The following ITPRID1 variants were observed in gnomAD, a reference collection of about 807,000 sequenced individuals.
ITPRID1 encodes protein ITPRID1.
In ITPRID1, 96 loss-of-function variants were observed where a neutral mutation model predicts 95.4. The observed-to-expected ratio is 1.01, with a 90% CI of 0.85 to 1.19. ITPRID1 has a LOEUF of 1.19. Among genes scored for constraint, ITPRID1 ranks in the 50% most tolerant of loss-of-function variants. ITPRID1 has a pLI of 0.00. For synonymous variants in ITPRID1, 510 were observed against 453.6 expected (o/e 1.12, Z -1.58); for missense variants, 1,339 against 1,252.9 (o/e 1.07, Z -1.04).
rs62448766 is a variant in ITPRID1 at position 31,600,621 on chromosome 7, A to T, written c.1228+17430A>T. 8.7e-3 allele frequency among the ~76,000 whole-genome samples: 1,332 copies of T among 152,346 alleles called. 12 individuals carry two copies. Among genetic ancestry groups the T allele is most frequent in the Non-Finnish European group, 0.014 (959 of 68,022 alleles). On this transcript the variant is annotated intron_variant, in intron 10 of 14. Transcript: ENST00000615280. The stretch of plus-strand genomic sequence containing the variant: ...GACTTTATAAGCCCAACTCTTTCCC[A>T]TGATTCTTCCCTTGGGGTGAGCTGC...
chr7:31,558,992 A>G (rs540769628), intron 5 of ITPRID1, among the ~76,000 whole-genome samples: 379 of 152,344 alleles, frequency 2.5e-3, no homozygotes, highest in African/African-American at 8.4e-3. Context: ...GTATAAAGCT[A>G]TGCTGAAATT....
intron 12 of ITPRID1, among the ~76,000 whole-genome samples, chr7:31,645,007 A>C (rs1359210314): frequency 6.6e-6 from 1 of 152,190 alleles, no homozygotes; most frequent in Non-Finnish European, 1.5e-5. Context: ...TCCATTCCAT[A>C]AATATTTGTT....
intron 1 of ITPRID1, among the ~76,000 whole-genome samples, chr7:31,525,801 C>T (rs535731796): frequency 3.1e-4 from 47 of 152,270 alleles, no homozygotes; most frequent in African/African-American, 1.0e-3. Flanking sequence ...ATGCATTTAA[C>T]AGCTAGATTT....
chr7:31,624,242 G>T (rs1418528418), intron 10 of ITPRID1, among the ~76,000 whole-genome samples: 2 of 145,550 alleles, frequency 1.4e-5, no homozygotes, highest in Admixed American at 6.9e-5. Flanking sequence ...AGCTACCAAT[G>T]ACTTTCTTCA....
At chr7:31,624,085 A>T (rs1485638315) in intron 10 of ITPRID1, among the ~76,000 whole-genome samples, 2 of 151,086 alleles carry the variant, frequency 1.3e-5, no homozygotes, top group Non-Finnish European at 2.9e-5. Flanking sequence ...GACCTCTTCA[A>T]GGAGAACTAC....
intron 10 of ITPRID1, among the ~76,000 whole-genome samples, chr7:31,622,302 A>AT (rs201852654): frequency 1.3e-5 from 2 of 150,594 alleles, no homozygotes; most frequent in Admixed American, 6.6e-5. Context: ...CAGAATATAC[A>AT]TTTTTTTTTC....
rs571546079 is a variant in ITPRID1, at chr7:31,589,278, G to T, written c.1228+6087G>T. 1.7e-4 allele frequency among the ~76,000 whole-genome samples: 26 copies of T among 152,152 alleles called. 1 individual carries two copies. The South Asian group carries it at 5.4e-3, about 32-fold the overall frequency. ...TATAGACGTTATCCAACAATCGGAA[G>T]ATCAGGAAAAAGATTTGAAAATTAT... On this transcript the variant is annotated intron_variant, in intron 10 of 14. Transcript: ENST00000615280.
At chr7:31,616,800 G>GGTAGCATAAAAACATTAGA (rs1370824336) in intron 10 of ITPRID1, among the ~76,000 whole-genome samples, 1 of 149,196 alleles carries the variant, frequency 6.7e-6, no homozygotes, top group Non-Finnish European at 1.5e-5. Flanking sequence ...TTCATTTTTT[G>GGTAGCATAAAAACATTAGA]GTAGCATAAA....
At chr7:31,629,608 T>G (rs979717904) in intron 10 of ITPRID1, among the ~76,000 whole-genome samples, 17 of 152,234 alleles carry the variant, frequency 1.1e-4, no homozygotes, top group Non-Finnish European at 2.4e-4. Flanking sequence ...AGTGCGAATT[T>G]TATCTTTCAA....
In ITPRID1 at chr7:31,578,377, G is replaced by C; in HGVS notation, c.1113G>C (p.Lys371Asn). The C allele has an allele frequency of 6.2e-7, 1 of 1,613,604 alleles. No homozygotes were observed. Among genetic ancestry groups the C allele is most frequent in the Non-Finnish European group, 8.5e-7 (1 of 1,179,704 alleles). The change falls in exon 9 of 15, where the codon AAG becomes AAC. Residue 371 changes from lysine to asparagine, a missense_variant. By Grantham distance (94) the Lys-to-Asn change is moderately conservative (BLOSUM62 0). Coordinates refer to ENST00000615280, the MANE Select transcript of ITPRID1 (RefSeq NM_001257967.3). ...TQKENLFQTN[K>N]LKSLSHLAGK... is the part of the protein sequence containing the mutation. ...AGGAGAACTTATTTCAGACTAACAA[G>C]CTCAAGAGCTTGTCTCATCTTGCAG...
chr7:31,631,650 C>A (rs566277147), intron 10 of ITPRID1, among the ~76,000 whole-genome samples: 2 of 151,990 alleles, frequency 1.3e-5, no homozygotes, highest in Non-Finnish European at 1.5e-5. Flanking sequence ...AAAGGGACTG[C>A]TAGACCTGGA....
At chr7:31,535,245 A>G (rs1663964679) in intron 1 of ITPRID1, among the ~76,000 whole-genome samples, 1 of 152,124 alleles carries the variant, frequency 6.6e-6, no homozygotes, top group Non-Finnish European at 1.5e-5. Context: ...CTATTTCACA[A>G]TGTAAAAACT....
At chr7:31,523,616 A>G (rs969009339) in intron 1 of ITPRID1, among the ~76,000 whole-genome samples, 2 of 152,192 alleles carry the variant, frequency 1.3e-5, no homozygotes, top group African/African-American at 4.8e-5. Context: ...TCCTGTCCTC[A>G]TAATAGTGAG....
intron 5 of ITPRID1, among the ~76,000 whole-genome samples, chr7:31,558,363 T>A (rs1472559853): frequency 6.6e-6 from 1 of 152,198 alleles, no homozygotes; most frequent in Non-Finnish European, 1.5e-5. Context: ...ATGGGCAATG[T>A]GGGTAAGTCA....
chr7:31,558,347 C>T (rs1217175964), intron 5 of ITPRID1, among the ~76,000 whole-genome samples: 1 of 152,170 alleles, frequency 6.6e-6, no homozygotes, highest in African/African-American at 2.4e-5. Flanking sequence ...TTAGACAAGT[C>T]AAAGCATGGG....
At chr7:31,525,598 T>C (rs943684503) in intron 1 of ITPRID1, among the ~76,000 whole-genome samples, 13 of 152,198 alleles carry the variant, frequency 8.5e-5, no homozygotes, top group African/African-American at 2.2e-4. Context: ...GGATCTTTAC[T>C]ATAGAAAGAT....
In ITPRID1 at chr7:31,610,719, T is replaced by A. The variant is rs185345871; in HGVS notation, c.1228+27528T>A. On this transcript the variant is annotated intron_variant, in intron 10 of 14. Coordinates refer to ENST00000615280, the MANE Select transcript of ITPRID1 (RefSeq NM_001257967.3). The stretch of plus-strand genomic sequence containing the variant: ...TTTTTGTCTTTATTAACAATTTTTA[T>A]CTTATTGTCTATATAATAGGTAATA... 5.3e-5 allele frequency among the ~76,000 whole-genome samples: 8 copies of A among 151,742 alleles called. No homozygotes were observed. The East Asian group carries it at 1.5e-3, about 29-fold the overall frequency.
At chr7:31,547,514 A>G (rs1784138258) in intron 1 of ITPRID1, among the ~76,000 whole-genome samples, 1 of 146,402 alleles carries the variant, frequency 6.8e-6, no homozygotes, top group African/African-American at 2.4e-5. Flanking sequence ...CACTATCACA[A>G]GAACAGCATG....
At chr7:31,635,468 G>A (rs1466999115) in intron 10 of ITPRID1, among the ~76,000 whole-genome samples, 2 of 152,220 alleles carry the variant, frequency 1.3e-5, no homozygotes, top group Non-Finnish European at 2.9e-5. Context: ...CATCATTCAA[G>A]TGAGGTTCCC....
Sources: allele counts gnomAD v4.1 joint callset (sites outside exome capture counted in the v4.1 genomes callset), GRCh38; gene constraint gnomAD v4.1.1; transcripts MANE v1.5; gene names NCBI Gene and HGNC (gene_info 2026-07-23, HGNC 2026-07-21).